The following SCOC variants were observed in gnomAD, a reference collection of about 807,000 sequenced individuals.
The protein encoded by SCOC is short coiled coil protein.
In SCOC, 7 loss-of-function variants were observed where a neutral mutation model predicts 9.9. The ratio of observed to expected loss-of-function variants is 0.71; its 90% CI spans 0.40 to 1.33. SCOC has a LOEUF of 1.33. SCOC is among the 40% of genes most tolerant of loss of function. SCOC has a pLI of 0.01. For missense variants in SCOC, 66 were observed against 89.7 expected (o/e 0.74, Z 1.07); for synonymous variants, 19 against 28.2 (o/e 0.67, Z 1.03).
chr4:140,358,848 T>C (rs1727342645), intron 2 of SCOC, among the ~76,000 whole-genome samples: 1 of 152,202 alleles, frequency 6.6e-6, no homozygotes, highest in Admixed American at 6.5e-5. Flanking sequence ...TTCTATTAAA[T>C]GGAATCACCA....
intron 1 of SCOC, among the ~76,000 whole-genome samples, chr4:140,330,309 T>C (rs1183487941): frequency 6.6e-6 from 1 of 152,144 alleles, no homozygotes; most frequent in Non-Finnish European, 1.5e-5. Context: ...AGACTACACA[T>C]TGGGTACAGT....
chr4:140,355,899 T>C (rs1038539946), intron 2 of SCOC, among the ~76,000 whole-genome samples: 15 of 152,224 alleles, frequency 9.9e-5, no homozygotes, highest in Non-Finnish European at 4.4e-5. Flanking sequence ...TGCAATTTTT[T>C]TCATAAAAAA....
chr4:140,261,359 G>T (rs905802049), intron 1 of SCOC, among the ~76,000 whole-genome samples: 3 of 152,222 alleles, frequency 2.0e-5, no homozygotes, highest in African/African-American at 7.2e-5. Flanking sequence ...AGAGCAGTGA[G>T]CATTGGTCAG....
chr4:140,376,774 T>C (rs1728362857), intron 1 of SCOC: 1 of 152,236 alleles, frequency 6.6e-6, no homozygotes, highest in South Asian at 2.1e-4. Flanking sequence ...TTACCTCTTA[T>C]ATTGGTGAGT....
intron 1 of SCOC, among the ~76,000 whole-genome samples, chr4:140,272,486 G>C (rs1285211806): frequency 6.6e-6 from 1 of 152,134 alleles, no homozygotes; most frequent in Non-Finnish European, 1.5e-5. Flanking sequence ...TTACATCCTC[G>C]ATAACACCTT....
intron 1 of SCOC, among the ~76,000 whole-genome samples, chr4:140,273,099 C>A (rs1730886202): frequency 6.6e-6 from 1 of 152,170 alleles, no homozygotes; most frequent in Non-Finnish European, 1.5e-5. Flanking sequence ...ATTCAGGCCC[C>A]AGCAACAGCA....
At chr4:140,348,185 T>C (rs546991192) in intron 2 of SCOC, among the ~76,000 whole-genome samples, 1 of 152,284 alleles carries the variant, frequency 6.6e-6, no homozygotes, top group Admixed American at 6.5e-5. Flanking sequence ...TCTACTCTCT[T>C]TGAAATATTT....
chr4:140,316,017 G>C (rs1300688368), intron 1 of SCOC, among the ~76,000 whole-genome samples: 1 of 152,062 alleles, frequency 6.6e-6, no homozygotes, highest in African/African-American at 2.4e-5. Context: ...ACTGGCACCA[G>C]ACAGAAGCTC....
At chr4:140,289,694 G>T (rs1466226009) in intron 1 of SCOC, among the ~76,000 whole-genome samples, 4 of 152,186 alleles carry the variant, frequency 2.6e-5, no homozygotes, top group Non-Finnish European at 5.9e-5. Flanking sequence ...AACAGGTTGT[G>T]CATTCAAAGG....
chr4:140,371,969 G>A (rs1728076716), upstream of SCOC, among the ~76,000 whole-genome samples: 1 of 152,218 alleles, frequency 6.6e-6, no homozygotes, highest in Admixed American at 6.5e-5. Context: ...GCTATAACAT[G>A]GATGAACTCT....
intron 1 of SCOC, among the ~76,000 whole-genome samples, chr4:140,328,080 C>G (rs1050722789): frequency 6.6e-6 from 1 of 152,196 alleles, no homozygotes; most frequent in Non-Finnish European, 1.5e-5. Context: ...TGCTTCCTCA[C>G]CAGTAATGAG....
intron 1 of SCOC, among the ~76,000 whole-genome samples, chr4:140,268,192 G>A (rs1209817370): frequency 5.3e-5 from 8 of 152,224 alleles, no homozygotes; most frequent in African/African-American, 1.7e-4. Flanking sequence ...AAATAACCAA[G>A]TGTTCTGGTG....
At position 140,292,406 on chromosome 4, in the gene SCOC, C is replaced by A. The variant is rs1731503469; in HGVS notation, c.-19+34996C>A. 2.0e-5 allele frequency among the ~76,000 whole-genome samples: 3 copies of A among 152,064 alleles called. No individual in the cohort carries two copies. The South Asian group carries it at 6.2e-4, about 32-fold the overall frequency. On this transcript the variant is annotated intron_variant, in intron 1 of 4. Coordinates refer to the SCOC transcript ENST00000394205. Reference sequence around the variant, plus strand: ...GTTTTGTCATGTTAGCTAGGCTGGTCTTGAACTCCTGATGTCAAGTGATCC... The same window carrying A: ...GTTTTGTCATGTTAGCTAGGCTGGTATTGAACTCCTGATGTCAAGTGATCC...
At chr4:140,364,977 G>C (rs1233038192) in intron 2 of SCOC, among the ~76,000 whole-genome samples, 2 of 152,110 alleles carry the variant, frequency 1.3e-5, no homozygotes, top group Non-Finnish European at 2.9e-5. Context: ...AGAGAATTCT[G>C]ATAGAGAGAG....
At position 140,380,308 on chromosome 4, in the gene SCOC, C is replaced by G. The variant is rs1410244625; in HGVS notation, c.107-654C>G. 2.1e-4 allele frequency among the ~76,000 whole-genome samples: 31 copies of G among 150,990 alleles called. No homozygotes were observed. The Admixed American group carries it at 2.1e-3, about 10-fold the overall frequency. On this transcript the variant is annotated intron_variant, in intron 3 of 3. Coordinates refer to ENST00000608372, the MANE Select transcript of SCOC (RefSeq NM_001153484.2). ...TGCCTCCCAGGTTCAAGCGATTCTC[C>G]TGTCTCAGCCTCCCGAGTAGCTGGG...
At chr4:140,267,537 G>A (rs1730754920) in intron 1 of SCOC, among the ~76,000 whole-genome samples, 1 of 152,218 alleles carries the variant, frequency 6.6e-6, no homozygotes, top group Non-Finnish European at 1.5e-5. Context: ...TTCTAAGATC[G>A]GAGGATGATA....
At chr4:140,275,656 C>T (rs1159006078) in intron 1 of SCOC, among the ~76,000 whole-genome samples, 1 of 152,178 alleles carries the variant, frequency 6.6e-6, no homozygotes, top group East Asian at 1.9e-4. Context: ...GAGTTTTATA[C>T]CCTTTTTATC....
intron 1 of SCOC, chr4:140,376,398 A>G (rs1183697817): frequency 6.6e-6 from 1 of 152,200 alleles, no homozygotes; most frequent in East Asian, 1.9e-4. Flanking sequence ...GCAGCAGGTA[A>G]TGCTGTGGTC....
intron 1 of SCOC, among the ~76,000 whole-genome samples, chr4:140,257,792 T>A (rs537981735): frequency 1.3e-5 from 2 of 152,352 alleles, no homozygotes; most frequent in Non-Finnish European, 2.9e-5. Context: ...TGACTGTTTC[T>A]ATCCTCCCGT....
Sources: gnomAD v4.1 joint callset for allele counts (sites outside exome capture counted in the v4.1 genomes callset) on GRCh38, gnomAD v4.1.1 for gene constraint, MANE v1.5 for transcripts, NCBI Gene and HGNC (gene_info 2026-07-23, HGNC 2026-07-21) for gene names.